The following ADGB variants were observed in gnomAD, a reference collection of about 807,000 sequenced individuals.
The protein encoded by ADGB is calpain-7-like protein.
Under a neutral mutation model 210.5 loss-of-function variants are expected in ADGB, and 172 were observed. The ratio of observed to expected loss-of-function variants is 0.82; its 90% confidence interval spans 0.72 to 0.93. The LOEUF (loss-of-function observed/expected upper bound fraction) is 0.93. Ranked by LOEUF, ADGB falls within the 40% of genes least tolerant of loss-of-function variation. ADGB has a pLI of 0.00. For missense variants in ADGB, 2,025 were observed against 1,964.8 expected, an observed-to-expected ratio of 1.03 and a Z score of -0.58; for synonymous variants, 658 against 662.7, an observed-to-expected ratio of 0.99 and a Z score of 0.11.
chr6:146,645,490 T>C (rs1459685650), intron 3 of ADGB, among the ~76,000 whole-genome samples: 2 of 152,004 alleles, frequency 1.3e-5, no homozygotes, highest in African/African-American at 4.8e-5. Flanking sequence ...TTTCCAAGGG[T>C]TTAATTATGA....
intron 29 of ADGB, among the ~76,000 whole-genome samples, chr6:146,771,996 T>A (rs906664146): frequency 2.6e-5 from 4 of 152,200 alleles, no homozygotes; most frequent in African/African-American, 7.2e-5. Flanking sequence ...CTCTTTATAA[T>A]TCTGATTTCT....
chr6:146,635,501 A>C lies in ADGB; in HGVS notation c.201A>C (p.Ala67=), dbSNP rs1270681229. The change falls in exon 2 of 36, where the codon GCA becomes GCC. Residue 67 remains alanine, a synonymous_variant. Transcript: ENST00000397944. ...NSEKWDAGKG[A]KEKDKTGKSP... ...AAAAGTGGGATGCAGGCAAAGGTGC[A>C]AAAGAAAAGGACAAAACAGGAAAAA... 1.3e-6 allele frequency: 2 copies of C among 1,548,270 alleles called. No individual in the cohort carries two copies. Among genetic ancestry groups the C allele is most frequent in the East Asian group, 2.5e-5 (1 of 40,772 alleles).
chr6:146,775,259 G>T (rs1030151382), intron 29 of ADGB, among the ~76,000 whole-genome samples: 22 of 151,914 alleles, frequency 1.4e-4, no homozygotes, highest in East Asian at 7.7e-4. Context: ...AATTTGTGGG[G>T]TTTTTTTCAA....
chr6:146,605,778 C>T (rs1460565409), intron 1 of ADGB, among the ~76,000 whole-genome samples: 1 of 151,974 alleles, frequency 6.6e-6, no homozygotes, highest in Non-Finnish European at 1.5e-5. Context: ...ATGAGGATAC[C>T]CCTTTATTTT....
chr6:146,665,640 T>G (rs1046127588), intron 6 of ADGB, among the ~76,000 whole-genome samples: 3 of 152,044 alleles, frequency 2.0e-5, no homozygotes, highest in Non-Finnish European at 4.4e-5. Context: ...CAGTAGAAAT[T>G]TATAGCAACA....
At chr6:146,696,379 A>T (rs1170924282) in intron 12 of ADGB, among the ~76,000 whole-genome samples, 1 of 151,802 alleles carries the variant, frequency 6.6e-6, no homozygotes, top group Non-Finnish European at 1.5e-5. Flanking sequence ...CCCAGCCAGA[A>T]ATACTTATTT....
chr6:146,740,306 G>A (rs1777146048), intron 23 of ADGB, among the ~76,000 whole-genome samples, 153 bp from the exon 24 acceptor site: 1 of 152,134 alleles, frequency 6.6e-6, no homozygotes, highest in Non-Finnish European at 1.5e-5. Flanking sequence ...CCATGTATCA[G>A]GGACTACACA....
At chr6:146,697,198 G>T (rs940804860) in intron 12 of ADGB, among the ~76,000 whole-genome samples, 1 of 152,164 alleles carries the variant, frequency 6.6e-6, no homozygotes, top group Non-Finnish European at 1.5e-5. Flanking sequence ...GTAAAGCTGG[G>T]TCTGAAGTTT....
intron 13 of ADGB, among the ~76,000 whole-genome samples, chr6:146,703,774 G>A (rs764565624): frequency 1.3e-5 from 2 of 151,798 alleles, no homozygotes; most frequent in Non-Finnish European, 3.0e-5. Context: ...TGGGAAGGCA[G>A]GTATCTCTTT....
In ADGB at chr6:146,656,691, T is replaced by C; in HGVS notation, c.403-80T>C. 4 of 966,598 alleles carry C rather than the reference T, an allele frequency of 4.1e-6. No individual in the cohort carries two copies. In the South Asian group the frequency reaches 8.1e-5, roughly 20 times the overall value. The allele number at this position is 966,598 out of a possible 1,614,324, so 59.9% of individuals were successfully genotyped here. A position where few individuals can be genotyped will look rare whatever the true frequency, so the allele number is the denominator to read the frequency against. On this transcript the variant is annotated intron_variant, in intron 4 of 35. Transcript: ENST00000397944. ...TTTAATATTATTCTTGGAAGTGGATTTTTTTACTGTTTTTATCCCTAAATT... is the reference window on the plus strand; with the variant it reads ...TTTAATATTATTCTTGGAAGTGGATCTTTTTACTGTTTTTATCCCTAAATT...
intron 19 of ADGB, 124 bp from the exon 20 acceptor site, chr6:146,728,450 A>G: frequency 9.7e-7 from 1 of 1,028,204 alleles, no homozygotes; most frequent in East Asian, 2.6e-5. Context: ...CTTGATATCA[A>G]ATCCTCTATA....
At chr6:146,664,472 C>T in intron 6 of ADGB, 132 bp downstream of exon 6, 1 of 929,570 alleles carries the variant, frequency 1.1e-6, no homozygotes, top group South Asian at 2.4e-5. Context: ...ATGTAATGCT[C>T]TAGTATAAAA....
intron 35 of ADGB, chr6:146,802,805 T>C (rs1414741168): frequency 6.2e-7 from 1 of 1,607,604 alleles, no homozygotes. Context: ...TCAATGTAAC[T>C]GTAATAAATA....
intron 32 of ADGB, among the ~76,000 whole-genome samples, chr6:146,786,505 T>C (rs1253998635): frequency 2.0e-5 from 3 of 152,206 alleles, no homozygotes; most frequent in African/African-American, 7.2e-5. Context: ...ACAGTGTGAA[T>C]AGCAAGTACC....
intron 32 of ADGB, among the ~76,000 whole-genome samples, chr6:146,786,786 C>T (rs1777881358): frequency 6.6e-6 from 1 of 152,066 alleles, no homozygotes; most frequent in East Asian, 1.9e-4. Context: ...CAGTTCTTGT[C>T]TTTTAGGCTA....
At chr6:146,794,735 T>C (rs964427467) in intron 33 of ADGB, among the ~76,000 whole-genome samples, 2 of 152,088 alleles carry the variant, frequency 1.3e-5, no homozygotes, top group African/African-American at 4.8e-5. Flanking sequence ...ATTATTAAAA[T>C]GTTTCAGAAA....
At chr6:146,666,950 A>G (rs777129708) in intron 7 of ADGB, 48 bp downstream of exon 7, 3 of 1,387,444 alleles carry the variant, frequency 2.2e-6, no homozygotes, top group African/African-American at 2.9e-5. Context: ...TTATCTTCCC[A>G]AGATTTCTTT....
In ADGB at chr6:146,676,410, A is replaced by C. The variant is rs149690573; in HGVS notation, c.1185A>C (p.Glu395Asp). ...FSLHGSRPSS[E>D]VQYSVQSLSD... ...TTCATGGTTCAAGACCCTCATCAGA[A>C]GTGCAGTACTCTGTGCAGTCCCTAT... The change falls in exon 9 of 36, where the codon GAA (glutamate) becomes GAC (aspartate). Residue 395 changes from glutamate to aspartate, a missense_variant. Physicochemically the swap from Glu to Asp is conservative, Grantham distance 45. Coordinates refer to ENST00000397944, the MANE Select transcript of ADGB (RefSeq NM_024694.4). 3.2e-6 allele frequency: 5 copies of C among 1,545,124 alleles called. No individual in the cohort carries two copies. In the East Asian group the frequency reaches 1.2e-4, roughly 38 times the overall value.
intron 35 of ADGB, among the ~76,000 whole-genome samples, chr6:146,809,366 C>T (rs921507412): frequency 2.3e-4 from 35 of 152,124 alleles, no homozygotes; most frequent in East Asian, 1.5e-3. Context: ...CCACCACGCC[C>T]GGCTAATTTT....
Sources: allele counts gnomAD v4.1 joint callset (sites outside exome capture counted in the v4.1 genomes callset), GRCh38; gene constraint gnomAD v4.1.1; transcripts MANE v1.5; gene names NCBI Gene and HGNC (gene_info 2026-07-23, HGNC 2026-07-21).